TEAD1: variants seen among roughly 807,000 people sequenced by gnomAD.
The protein encoded by TEAD1 is TEA domain transcription factor 1.
A neutral mutation model predicts 54.9 loss-of-function variants in TEAD1; 9 were observed. The observed-to-expected ratio is 0.16, with a 90% CI of 0.10 to 0.29. The LOEUF is 0.29. Among genes scored for constraint, TEAD1 ranks in the 10% least tolerant of loss-of-function variants. TEAD1 has a pLI of 1.00. For missense variants in TEAD1, 387 were observed against 535.9 expected (o/e 0.72, Z 2.74); for synonymous variants, 200 against 187.8 (o/e 1.07, Z -0.53).
intron 2 of TEAD1, among the ~76,000 whole-genome samples, chr11:12,677,595 C>T (rs1424575437): frequency 6.6e-6 from 1 of 152,256 alleles, no homozygotes; most frequent in African/African-American, 2.4e-5. Context: ...TCTTAGAATA[C>T]AGAGCAACAA....
rs549211479 is a variant in TEAD1, at chr11:12,937,109, G to A, written c.1168G>A (p.Val390Met). ...ATATACTTTTTTTTTATCTTAACAG[G>A]TGGTAACAAACAGGGATACACAAGA... Residue 390 changes from valine to methionine, a missense_variant and splice_region_variant, in exon 13 of 13, where the codon GTG becomes ATG. By Grantham distance (21) the Val-to-Met change is conservative. Coordinates refer to ENST00000527636, the MANE Select transcript of TEAD1 (RefSeq NM_021961.6). 4.4e-6 allele frequency: 7 copies of A among 1,608,786 alleles called. No individual in the cohort carries two copies. In the South Asian group the frequency reaches 5.5e-5, roughly 13 times the overall value.
intron 3 of TEAD1, among the ~76,000 whole-genome samples, chr11:12,837,186 A>G (rs949464826): frequency 6.6e-6 from 1 of 152,228 alleles, no homozygotes; most frequent in Admixed American, 6.5e-5. Context: ...AAGGGACGGT[A>G]TAATTGGTTA....
At chr11:12,697,221 T>C (rs1314676269) in intron 2 of TEAD1, among the ~76,000 whole-genome samples, 1 of 151,368 alleles carries the variant, frequency 6.6e-6, no homozygotes, top group African/African-American at 2.4e-5. Flanking sequence ...CTTTGGCAAG[T>C]GCTTCCCTGT....
At chr11:12,677,298 C>T (rs1943116026) in intron 2 of TEAD1, among the ~76,000 whole-genome samples, 1 of 151,768 alleles carries the variant, frequency 6.6e-6, no homozygotes, top group African/African-American at 2.4e-5. Flanking sequence ...CTTTTCCTTG[C>T]CTTGTGGTAC....
chr11:12,864,590 G>C (rs1589938022), intron 4 of TEAD1: 1 of 1,042,408 alleles, frequency 9.6e-7, no homozygotes, highest in East Asian at 3.6e-5. Context: ...CCCTCCCAAA[G>C]AGTAGCGATT....
rs974614273 is a variant in TEAD1 at position 12,938,806 on chromosome 11, C to T, written c.*1584C>T. 6.6e-6 allele frequency: 1 copy of T among 152,236 alleles called. No individual in the cohort carries two copies. The highest frequency in any genetic ancestry group is 2.4e-5 in the African/African-American group (1 of 41,450). 9.4% of individuals were successfully genotyped at this position (152,236 alleles called of 1,614,324 possible). On this transcript the variant is annotated 3_prime_UTR_variant, in exon 13 of 13. Transcript: ENST00000527636. ...CACTGGGGAGAGAACAGGGAGTGCT[C>T]CTCCAGCTTCCCAAAGAAATATGTT... is the stretch of plus-strand genomic sequence containing the variant.
chr11:12,727,646 A>T (rs555681435), intron 2 of TEAD1, among the ~76,000 whole-genome samples: 2 of 152,358 alleles, frequency 1.3e-5, no homozygotes, highest in South Asian at 4.1e-4. Flanking sequence ...CAAAAGACAG[A>T]CAAGAAACCT....
At chr11:12,844,652 A>G (rs1312302273) in intron 3 of TEAD1, among the ~76,000 whole-genome samples, 3 of 151,906 alleles carry the variant, frequency 2.0e-5, no homozygotes. Context: ...CAACCCCAAT[A>G]TTTTTTTCAG....
At chr11:12,769,698 C>T (rs552160063) in intron 3 of TEAD1, among the ~76,000 whole-genome samples, 4 of 152,180 alleles carry the variant, frequency 2.6e-5, no homozygotes, top group Middle Eastern at 3.4e-3. Context: ...CATCATGTGG[C>T]ATCTTTGATT....
chr11:12,708,441 C>T (rs915176172), intron 2 of TEAD1, among the ~76,000 whole-genome samples: 1 of 151,842 alleles, frequency 6.6e-6, no homozygotes, highest in African/African-American at 2.4e-5. Flanking sequence ...TATCCTGCTG[C>T]AGGAATTAAC....
At chr11:12,885,916 C>T (rs966483147) in intron 9 of TEAD1, among the ~76,000 whole-genome samples, 7 of 152,220 alleles carry the variant, frequency 4.6e-5, no homozygotes, top group Admixed American at 1.3e-4. Context: ...GCTGCCCAGA[C>T]GGCCACAGCC....
chr11:12,720,445 T>C (rs747016393), intron 2 of TEAD1, among the ~76,000 whole-genome samples: 2 of 152,196 alleles, frequency 1.3e-5, no homozygotes, highest in Non-Finnish European at 2.9e-5. Context: ...GCAACAGATA[T>C]CATTTACTGC....
At chr11:12,688,983 T>C (rs761954869) in intron 2 of TEAD1, among the ~76,000 whole-genome samples, 2 of 152,090 alleles carry the variant, frequency 1.3e-5, no homozygotes, top group Non-Finnish European at 2.9e-5. Context: ...GCTTCCCCTC[T>C]TGCTGGATTT....
At chr11:12,904,816 G>T in intron 10 of TEAD1, 2 of 310,022 alleles carry the variant, frequency 6.5e-6, no homozygotes, top group Non-Finnish European at 1.3e-5. Flanking sequence ...AATTTATTTG[G>T]TCCTGTTTGC....
rs573629110 is a variant in TEAD1 at position 12,912,944 on chromosome 11, T to G, written c.873+10831T>G. Among the ~76,000 whole-genome samples, 120 of 152,222 alleles carry G rather than the reference T, an allele frequency of 7.9e-4. 1 individual carries two copies. Among genetic ancestry groups the G allele is most frequent in the African/African-American group, 6.3e-4 (26 of 41,532 alleles). On this transcript the variant is annotated intron_variant, in intron 10 of 12. Coordinates refer to ENST00000527636, the MANE Select transcript of TEAD1 (RefSeq NM_021961.6). ...TCCCTTCCTTCTGGGGCCATTTAATTCCACTCCCTTCTGTGGCTACAGACT... is the reference window on the plus strand; with the variant it reads ...TCCCTTCCTTCTGGGGCCATTTAATGCCACTCCCTTCTGTGGCTACAGACT...
chr11:12,714,749 T>A (rs1052264880), intron 2 of TEAD1, among the ~76,000 whole-genome samples: 7 of 152,178 alleles, frequency 4.6e-5, no homozygotes, highest in African/African-American at 1.4e-4. Flanking sequence ...CAGGTTTGAT[T>A]TCTTCCGAGG....
chr11:12,816,913 CT>C (rs1163027686), intron 3 of TEAD1, among the ~76,000 whole-genome samples: 1 of 152,188 alleles, frequency 6.6e-6, no homozygotes, highest in Non-Finnish European at 1.5e-5. Context: ...GATGCCTTCT[CT>C]GGCCATCAGG....
intron 3 of TEAD1, among the ~76,000 whole-genome samples, chr11:12,767,741 A>G (rs1003205001): frequency 6.6e-6 from 1 of 152,130 alleles, no homozygotes; most frequent in African/African-American, 2.4e-5. Flanking sequence ...ATGTGTAGGC[A>G]GTCGTTTTTA....
intron 3 of TEAD1, among the ~76,000 whole-genome samples, chr11:12,765,358 G>A (rs1945185725): frequency 6.6e-6 from 1 of 152,180 alleles, no homozygotes; most frequent in Non-Finnish European, 1.5e-5. Flanking sequence ...AGCACGTTGA[G>A]TTGACAGAGT....
Sources: allele counts gnomAD v4.1 joint callset (sites outside exome capture counted in the v4.1 genomes callset), GRCh38; gene constraint gnomAD v4.1.1; transcripts MANE v1.5; gene names NCBI Gene and HGNC (gene_info 2026-07-23, HGNC 2026-07-21).